The following RORA variants were observed in gnomAD, a reference collection of about 807,000 sequenced individuals.
The protein encoded by RORA is nuclear receptor ROR-alpha.
In RORA, 7 loss-of-function variants were observed where a neutral mutation model predicts 69.5. That is an observed-to-expected ratio of 0.10 (90% CI 0.06 to 0.19). RORA has a LOEUF of 0.19. RORA is among the 10% of genes least tolerant of loss of function. The probability of loss-of-function intolerance (pLI) is 1.00; values close to 1 mark genes in which losing one functional copy is unlikely to be tolerated. For synonymous variants in RORA, 261 were observed against 240.8 expected (o/e 1.08, Z -0.78); for missense variants, 457 against 663.0 (o/e 0.69, Z 3.41).
Position 61,008,527 on chromosome 15 carries a change from G to A in RORA, c.166+220526C>T, listed in dbSNP as rs145969985. Among the ~76,000 whole-genome samples the A allele has an allele frequency of 3.8e-3, 581 of 152,186 alleles. 2 individuals carry two copies. Among genetic ancestry groups the A allele is most frequent in the African/African-American group, 0.013 (558 of 41,492 alleles). ...CTGATACTGGGCTGTTCCCTGAGGGGTGGAATCAATTTGACTCACAGAAGG... is the reference window on the plus strand; with the variant it reads ...CTGATACTGGGCTGTTCCCTGAGGGATGGAATCAATTTGACTCACAGAAGG... On this transcript the variant is annotated intron_variant, in intron 1 of 10. Transcript: ENST00000335670.
At chr15:60,881,052 T>C (rs768285069) in intron 1 of RORA, among the ~76,000 whole-genome samples, 2 of 152,228 alleles carry the variant, frequency 1.3e-5, no homozygotes, top group African/African-American at 2.4e-5. Context: ...AAACAAGGAT[T>C]AATTAGAAGT....
At chr15:60,676,585 G>T (rs1010843385) in intron 2 of RORA, among the ~76,000 whole-genome samples, 7 of 152,188 alleles carry the variant, frequency 4.6e-5, no homozygotes, top group African/African-American at 1.7e-4. Flanking sequence ...TAATGCCTAA[G>T]AATTTTCTTG....
At chr15:61,221,828 C>T (rs900333741) in intron 1 of RORA, among the ~76,000 whole-genome samples, 3 of 152,010 alleles carry the variant, frequency 2.0e-5, no homozygotes, top group Non-Finnish European at 4.4e-5. Context: ...TGCGTGGATG[C>T]AGAAACTTCC....
chr15:60,987,798 T>C (rs1894251808), intron 1 of RORA, among the ~76,000 whole-genome samples: 1 of 152,198 alleles, frequency 6.6e-6, no homozygotes, highest in Non-Finnish European at 1.5e-5. Flanking sequence ...AAGCAATTTT[T>C]ATCTCAGTTA....
chr15:60,614,226 CA>C (rs2069170457), intron 2 of RORA, among the ~76,000 whole-genome samples: 1 of 152,072 alleles, frequency 6.6e-6, no homozygotes, highest in African/African-American at 2.4e-5. Context: ...AAGTTAAGTA[CA>C]GTTTGGCTTA....
chr15:60,791,686 T>C (rs2072420058), intron 1 of RORA, among the ~76,000 whole-genome samples: 1 of 152,176 alleles, frequency 6.6e-6, no homozygotes, highest in African/African-American at 2.4e-5. Flanking sequence ...TATATGTGCA[T>C]GAGGGAGACT....
intron 1 of RORA, among the ~76,000 whole-genome samples, chr15:60,963,328 T>C (rs962394906): frequency 8.5e-5 from 13 of 152,230 alleles, no homozygotes; most frequent in African/African-American, 2.4e-4. Flanking sequence ...AGCACAGGCC[T>C]GAGGCATGGG....
intron 1 of RORA, among the ~76,000 whole-genome samples, chr15:60,694,213 G>T (rs2070869798): frequency 6.6e-6 from 1 of 152,152 alleles, no homozygotes; most frequent in South Asian, 2.1e-4. Flanking sequence ...AGGTCAAATG[G>T]TCCCTGTAAG....
intron 1 of RORA, among the ~76,000 whole-genome samples, chr15:61,032,701 C>T (rs1236172235): frequency 6.6e-6 from 1 of 152,154 alleles, no homozygotes; most frequent in East Asian, 1.9e-4. Flanking sequence ...GCCCAGACAT[C>T]TACCTATTCC....
chr15:60,536,199 T>C (rs1437643053), intron 2 of RORA, among the ~76,000 whole-genome samples: 2 of 152,220 alleles, frequency 1.3e-5, no homozygotes, highest in South Asian at 2.1e-4. Context: ...GATTCAAGGA[T>C]GTGATACATA....
chr15:60,821,413 C>T (rs2072892301), intron 1 of RORA, among the ~76,000 whole-genome samples: 1 of 152,200 alleles, frequency 6.6e-6, no homozygotes, highest in Non-Finnish European at 1.5e-5. Context: ...TTAAGTCCTC[C>T]AGAAGGTAGG....
chr15:60,856,469 C>A lies in RORA; in HGVS notation c.167-177783G>T, dbSNP rs115516850. The stretch of plus-strand genomic sequence containing the variant: ...TGGGGTGAAGAGGTGAGATCCATCA[C>A]GATTTTAAAGAATCACTGACCTTTT... On this transcript the variant is annotated intron_variant, in intron 1 of 10. Coordinates refer to ENST00000335670, the MANE Select transcript of RORA (RefSeq NM_134261.3). Among the ~76,000 whole-genome samples, 310 of 142,442 alleles carry A rather than the reference C, an allele frequency of 2.2e-3. 3 individuals are homozygous for A. The highest frequency in any genetic ancestry group is 7.7e-3 in the African/African-American group (298 of 38,770). 93.4% of individuals were successfully genotyped at this position (142,442 alleles called of 152,430 possible).
chr15:61,217,246 GAC>G (rs1331521787), intron 1 of RORA, among the ~76,000 whole-genome samples: 9 of 152,150 alleles, frequency 5.9e-5, no homozygotes, highest in Non-Finnish European at 8.8e-5. Flanking sequence ...ATCTCCTTAA[GAC>G]TAGGCTCATA....
chr15:60,884,777 A>G (rs2073732984), intron 1 of RORA, among the ~76,000 whole-genome samples: 1 of 152,212 alleles, frequency 6.6e-6, no homozygotes. Context: ...CTTTACCAAG[A>G]GAAAAATCCT....
chr15:60,724,160 TC>T (rs1339726890), intron 1 of RORA, among the ~76,000 whole-genome samples: 1 of 152,170 alleles, frequency 6.6e-6, no homozygotes, highest in East Asian at 1.9e-4. Context: ...CCTCAAATCC[TC>T]TTGGGAAATA....
At chr15:61,193,145 A>T (rs2079816534) in intron 1 of RORA, among the ~76,000 whole-genome samples, 2 of 152,198 alleles carry the variant, frequency 1.3e-5, no homozygotes, top group Non-Finnish European at 2.9e-5. Flanking sequence ...CCCCGAACAC[A>T]TGATGCCAAT....
At chr15:60,644,900 T>C (rs1283126094) in intron 2 of RORA, among the ~76,000 whole-genome samples, 1 of 152,162 alleles carries the variant, frequency 6.6e-6, no homozygotes, top group East Asian at 1.9e-4. Flanking sequence ...TGGCTAAGCC[T>C]TCTTTTTTTC....
chr15:60,498,168 T>A (rs2065221095), intron 10 of RORA, among the ~76,000 whole-genome samples: 1 of 152,232 alleles, frequency 6.6e-6, no homozygotes, highest in Admixed American at 6.5e-5. Flanking sequence ...AAGATGTTCA[T>A]AAGCAAAAGT....
At chr15:60,582,776 G>C (rs772841292) in intron 2 of RORA, among the ~76,000 whole-genome samples, 1 of 152,178 alleles carries the variant, frequency 6.6e-6, no homozygotes, top group African/African-American at 2.4e-5. Flanking sequence ...AGATTAATAC[G>C]CAGACCAGGT....
Sources: allele counts gnomAD v4.1 joint callset (sites outside exome capture counted in the v4.1 genomes callset), GRCh38; gene constraint gnomAD v4.1.1; transcripts MANE v1.5; gene names NCBI Gene and HGNC (gene_info 2026-07-23, HGNC 2026-07-21).